Variants in PLXNA4 observed in about 807,000 individuals in gnomAD.
PLXNA4 encodes plexin-A4.
PLXNA4 carries 44 observed loss-of-function variants against 191.8 expected under a neutral mutation model. The ratio of observed to expected loss-of-function variants is 0.23; its 90% CI spans 0.18 to 0.29. The LOEUF is 0.29. Ranked by LOEUF, PLXNA4 falls within the 10% of genes least tolerant of loss-of-function variation. The pLI is 1.00. For missense variants in PLXNA4, 1,800 were observed against 2,488.8 expected (o/e 0.72, Z 5.89); for synonymous variants, 1,082 against 1,009.5 (o/e 1.07, Z -1.36).
chr7:132,429,479 G>A (rs1167236332), intron 3 of PLXNA4, among the ~76,000 whole-genome samples: 2 of 152,146 alleles, frequency 1.3e-5, no homozygotes, highest in African/African-American at 4.8e-5. Context: ...ACGAAAGCAG[G>A]CACAGACAAT....
intron 5 of PLXNA4, among the ~76,000 whole-genome samples, chr7:132,235,861 G>C (rs1584882376): frequency 6.6e-6 from 1 of 152,172 alleles, no homozygotes; most frequent in Non-Finnish European, 1.5e-5. Context: ...TAGGGCGAAG[G>C]CAGGGTGGGC....
At chr7:132,623,704 G>A (rs958336788) in intron 2 of PLXNA4, among the ~76,000 whole-genome samples, 1 of 152,136 alleles carries the variant, frequency 6.6e-6, no homozygotes, top group Non-Finnish European at 1.5e-5. Context: ...GGGACCCTGG[G>A]GCTCTACAGA....
intron 3 of PLXNA4, among the ~76,000 whole-genome samples, chr7:132,304,139 C>CA (rs1563023181): frequency 2.1e-5 from 3 of 145,128 alleles, no homozygotes; most frequent in Non-Finnish European, 4.5e-5. Context: ...TTCATAAAGA[C>CA]GTAACATACT....
Position 132,133,090 on chromosome 7 carries a change from G to C in PLXNA4, c.5548C>G (p.Leu1850Val). Residue 1850 changes from leucine to valine, a missense_variant, in exon 31 of 32, where the codon CTC (leucine) becomes GTC (valine). This residue lies in a region of PLXNA4 where 83 missense variants were observed against 81.6 expected (regional missense o/e 1.02). Coordinates refer to ENST00000321063, the MANE Select transcript of PLXNA4 (RefSeq NM_020911.2). Reference sequence around the variant, plus strand: ...CCCACATAGGAGAAGATCTCTGAGAGTGCACTCATGGTGTTGAACTCATTC... The same window carrying C: ...CCCACATAGGAGAAGATCTCTGAGACTGCACTCATGGTGTTGAACTCATTC... Reference protein sequence around the residue: ...HMNEFNTMSALSEIFSYVGKY... With the variant: ...HMNEFNTMSAVSEIFSYVGKY... 1.2e-6 allele frequency: 2 copies of C among 1,614,194 alleles called. No individual in the cohort carries two copies. The highest frequency in any genetic ancestry group is 1.7e-6 in the Non-Finnish European group (2 of 1,180,032).
At chr7:132,165,301 A>G (rs1477682739) in intron 22 of PLXNA4, 101 bp from the exon 23 acceptor site, 23 of 1,472,518 alleles carry the variant, frequency 1.6e-5, no homozygotes, top group South Asian at 5.7e-5. Context: ...TTGTGCATTG[A>G]TCTTGCTGCT....
At chr7:132,185,936 T>C (rs994255675) in intron 15 of PLXNA4, among the ~76,000 whole-genome samples, 1 of 152,228 alleles carries the variant, frequency 6.6e-6, no homozygotes, top group African/African-American at 2.4e-5. Flanking sequence ...GCCCCATCTG[T>C]TTTCCCTGAT....
chr7:132,461,956 A>G (rs1796523527), intron 3 of PLXNA4, among the ~76,000 whole-genome samples: 1 of 152,250 alleles, frequency 6.6e-6, no homozygotes. Flanking sequence ...AAAATTTACA[A>G]TGTTGCAGAT....
At chr7:132,431,734 C>A (rs966354964) in intron 3 of PLXNA4, among the ~76,000 whole-genome samples, 5 of 152,170 alleles carry the variant, frequency 3.3e-5, no homozygotes, top group Admixed American at 2.6e-4. Context: ...TGCATCCAGG[C>A]AGCCATGAGC....
chr7:132,180,270 G>T (rs1408255429), intron 19 of PLXNA4, among the ~76,000 whole-genome samples: 1 of 152,156 alleles, frequency 6.6e-6, no homozygotes. Flanking sequence ...CACAGAACAT[G>T]ATATTAAGAT....
chr7:132,345,748 A>G (rs1471342069), intron 3 of PLXNA4, among the ~76,000 whole-genome samples: 1 of 152,214 alleles, frequency 6.6e-6, no homozygotes, highest in African/African-American at 2.4e-5. Context: ...CTGGCAGAAC[A>G]GTCCCAGCCT....
chr7:132,523,104 C>G (rs1025775627), intron 1 of PLXNA4, among the ~76,000 whole-genome samples: 16 of 152,118 alleles, frequency 1.1e-4, no homozygotes, highest in African/African-American at 3.6e-4. Context: ...AGACTCTACA[C>G]CGGGAACCTA....
chr7:132,587,398 C>A (rs1802522014), intron 2 of PLXNA4, among the ~76,000 whole-genome samples: 1 of 152,158 alleles, frequency 6.6e-6, no homozygotes, highest in South Asian at 2.1e-4. Flanking sequence ...TAATAGAGTT[C>A]TCTAAAGAAA....
intron 1 of PLXNA4, among the ~76,000 whole-genome samples, chr7:132,550,139 T>A (rs116617975): frequency 1.3e-3 from 204 of 152,170 alleles, no homozygotes; most frequent in African/African-American, 4.8e-3. Context: ...CTGAAGGAAG[T>A]GAACGTTCCC....
upstream of PLXNA4, among the ~76,000 whole-genome samples, chr7:132,579,867 C>T (rs763073045): frequency 2.8e-4 from 42 of 152,016 alleles, no homozygotes; most frequent in African/African-American, 9.4e-4. Context: ...GTCAAATTAG[C>T]TGCAGTAGAG....
At chr7:132,268,789 G>C (rs185188448) in intron 4 of PLXNA4, among the ~76,000 whole-genome samples, 25 of 152,300 alleles carry the variant, frequency 1.6e-4, no homozygotes, top group Admixed American at 1.4e-3. Flanking sequence ...AGTTGACCAA[G>C]GAATGTTTGT....
intron 2 of PLXNA4, among the ~76,000 whole-genome samples, chr7:132,501,272 G>A (rs758102293): frequency 9.2e-5 from 14 of 152,196 alleles, no homozygotes; most frequent in Middle Eastern, 3.2e-3. Flanking sequence ...AGACAGCAAC[G>A]AGGAGGACAG....
At chr7:132,643,141 T>A (rs1303217585) in intron 2 of PLXNA4, among the ~76,000 whole-genome samples, 1 of 152,144 alleles carries the variant, frequency 6.6e-6, no homozygotes, top group Non-Finnish European at 1.5e-5. Flanking sequence ...GGGCAGCTCA[T>A]GTAAGACTGT....
chr7:132,540,732 C>T (rs376805060), intron 1 of PLXNA4, among the ~76,000 whole-genome samples: 96 of 151,094 alleles, frequency 6.4e-4, no homozygotes, highest in Non-Finnish European at 1.2e-3. Context: ...GGACTACAGG[C>T]GCCCGCCACC....
intron 2 of PLXNA4, among the ~76,000 whole-genome samples, chr7:132,593,104 C>T (rs1006008891): frequency 1.3e-5 from 2 of 152,186 alleles, no homozygotes; most frequent in Non-Finnish European, 2.9e-5. Context: ...GATGATATAG[C>T]GCTTATCTGT....
Sources: gnomAD v4.1 joint callset for allele counts (sites outside exome capture counted in the v4.1 genomes callset) on GRCh38, gnomAD v4.1.1 for gene constraint, gnomAD v4.1.1 regional missense constraint, MANE v1.5 for transcripts, NCBI Gene and HGNC (gene_info 2026-07-23, HGNC 2026-07-21) for gene names.